The following UBXN2A variants were observed in gnomAD, a reference collection of about 807,000 sequenced individuals.
UBXN2A encodes UBX domain-containing protein 2A.
Under a neutral mutation model 28.4 loss-of-function variants are expected in UBXN2A, and 28 were observed. That is an observed-to-expected ratio of 0.99 (90% CI 0.73 to 1.35). UBXN2A has a LOEUF of 1.35. Among genes scored for constraint, UBXN2A ranks in the 40% most tolerant of loss-of-function variants. The pLI is 0.00. For missense variants in UBXN2A, 253 were observed against 297.9 expected (o/e 0.85, Z 1.11); for synonymous variants, 97 against 103.6 (o/e 0.94, Z 0.39).
At chr2:23,965,373 A>G (rs571259056) in intron 2 of UBXN2A, among the ~76,000 whole-genome samples, 25 of 152,272 alleles carry the variant, frequency 1.6e-4, no homozygotes, top group African/African-American at 5.8e-4. Context: ...TTGTTTACCA[A>G]GTTGAGAAAG....
intron 1 of UBXN2A, among the ~76,000 whole-genome samples, chr2:23,955,272 A>C (rs1706567077): frequency 6.6e-6 from 1 of 152,026 alleles, no homozygotes; most frequent in Non-Finnish European, 1.5e-5. Context: ...TTGATTCAGC[A>C]TTCCCTTGGT....
At chr2:23,999,360 G>A (rs959434256) in intron 6 of UBXN2A, among the ~76,000 whole-genome samples, 9 of 151,966 alleles carry the variant, frequency 5.9e-5, no homozygotes, top group African/African-American at 1.2e-4. Flanking sequence ...CAAATTTCTG[G>A]GAGTCAAACT....
intron 1 of UBXN2A, among the ~76,000 whole-genome samples, chr2:23,954,068 A>C (rs930487615): frequency 2.0e-5 from 3 of 151,994 alleles, no homozygotes; most frequent in Non-Finnish European, 4.4e-5. Flanking sequence ...GCTGGAGTGC[A>C]ATGGCGTGGT....
intron 1 of UBXN2A, among the ~76,000 whole-genome samples, chr2:23,933,460 C>T (rs1319043463): frequency 2.6e-5 from 4 of 152,054 alleles, no homozygotes; most frequent in Non-Finnish European, 5.9e-5. Context: ...GAGCTGAGAT[C>T]GCACCATTGC....
intron 2 of UBXN2A, among the ~76,000 whole-genome samples, chr2:23,963,870 T>A (rs918311086): frequency 6.6e-6 from 1 of 152,164 alleles, no homozygotes; most frequent in African/African-American, 2.4e-5. Flanking sequence ...GGCTCACATC[T>A]GTAATGCCAA....
intron 1 of UBXN2A, among the ~76,000 whole-genome samples, chr2:23,931,973 T>A (rs1478577105): frequency 6.6e-6 from 1 of 151,134 alleles, no homozygotes; most frequent in Non-Finnish European, 1.5e-5. Flanking sequence ...ATCACGCCAT[T>A]GCACTCCAGC....
At chr2:23,936,553 AAAAG>A (rs1337434705), upstream of UBXN2A, among the ~76,000 whole-genome samples, 1 of 152,016 alleles carries the variant, frequency 6.6e-6, no homozygotes, top group Admixed American at 6.6e-5. Context: ...CTCAAAAAAA[AAAAG>A]AGAGAAAGAA....
intron 5 of UBXN2A, among the ~76,000 whole-genome samples, chr2:23,983,295 C>T (rs1268612204): frequency 2.0e-5 from 3 of 152,044 alleles, no homozygotes; most frequent in South Asian, 2.1e-4. Flanking sequence ...CACCTGAGAT[C>T]GGGAGTTCGA....
intron 1 of UBXN2A, among the ~76,000 whole-genome samples, chr2:23,945,762 A>G (rs537177915): frequency 6.6e-6 from 1 of 152,306 alleles, no homozygotes; most frequent in African/African-American, 2.4e-5. Context: ...TGTTTTAAAA[A>G]ATAAAATTGT....
chr2:23,994,459 TC>T (rs1708458691), intron 6 of UBXN2A, among the ~76,000 whole-genome samples: 1 of 152,188 alleles, frequency 6.6e-6, no homozygotes, highest in Non-Finnish European at 1.5e-5. Context: ...TTTCAGTGTA[TC>T]TTATATTCTT....
chr2:23,932,290 C>T (rs1051637560), intron 1 of UBXN2A, among the ~76,000 whole-genome samples: 2 of 151,260 alleles, frequency 1.3e-5, no homozygotes, highest in Non-Finnish European at 2.9e-5. Flanking sequence ...TGCACTCTAT[C>T]CTGGGTGACA....
intron 2 of UBXN2A, among the ~76,000 whole-genome samples, chr2:23,962,116 G>T (rs1706952738): frequency 6.6e-6 from 1 of 152,094 alleles, no homozygotes; most frequent in Non-Finnish European, 1.5e-5. Flanking sequence ...AAAGTGCTAG[G>T]ATTACAGGCA....
At chr2:23,947,043 A>T (rs1706121680) in intron 1 of UBXN2A, among the ~76,000 whole-genome samples, 1 of 152,102 alleles carries the variant, frequency 6.6e-6, no homozygotes, top group African/African-American at 2.4e-5. Flanking sequence ...GTTTGCCATG[A>T]TGCCTGGCTA....
chr2:23,966,410 C>G (rs1167431346), intron 2 of UBXN2A, among the ~76,000 whole-genome samples: 1 of 151,418 alleles, frequency 6.6e-6, no homozygotes, highest in East Asian at 1.9e-4. Context: ...GCTAGGATTA[C>G]AGGCGTGAGC....
intron 1 of UBXN2A, chr2:23,943,750 C>G: frequency 4.9e-6 from 1 of 202,768 alleles, no homozygotes; most frequent in Non-Finnish European, 1.0e-5. Flanking sequence ...CTTGGCCTCC[C>G]AAAGTGCTGG....
chr2:23,933,442 G>A (rs181479181), intron 1 of UBXN2A, among the ~76,000 whole-genome samples: 149 of 152,306 alleles, frequency 9.8e-4, no homozygotes, highest in African/African-American at 3.5e-3. Flanking sequence ...GGAGGCAGAG[G>A]TTGCAGTGAG....
intron 6 of UBXN2A, chr2:23,996,651 A>G (rs1708544414): frequency 7.0e-6 from 1 of 142,660 alleles, no homozygotes; most frequent in Non-Finnish European, 1.5e-5. Flanking sequence ...TAATTTTTGT[A>G]TTTTTAGTAG....
chr2:23,928,041 T>G (rs1196508327), intron 1 of UBXN2A, among the ~76,000 whole-genome samples: 1 of 151,716 alleles, frequency 6.6e-6, no homozygotes, highest in African/African-American at 2.4e-5. Flanking sequence ...ATGGGTGTTG[T>G]GGTGGGCACC....
In UBXN2A at chr2:23,966,924, A is replaced by C. The variant is rs79934947; in HGVS notation, c.42-4352A>C. ...AGGTGTGCACCACCACGCCCAGCTT[A>C]TTCTTTTCTTTTTTTATAGAGATGG... On this transcript the variant is annotated intron_variant, in intron 2 of 6. Coordinates refer to ENST00000309033, the MANE Select transcript of UBXN2A (RefSeq NM_181713.4). Among the ~76,000 whole-genome samples the C allele has an allele frequency of 2.8e-3, 429 of 151,050 alleles. 2 individuals are homozygous for C. The highest frequency in any genetic ancestry group is 0.017 in the Middle Eastern group (5 of 288).
Sources: gnomAD v4.1 joint callset for allele counts (sites outside exome capture counted in the v4.1 genomes callset) on GRCh38, gnomAD v4.1.1 for gene constraint, MANE v1.5 for transcripts, NCBI Gene and HGNC (gene_info 2026-07-23, HGNC 2026-07-21) for gene names.